The following PRSS57 variants were observed in gnomAD, a reference collection of about 807,000 sequenced individuals.
The protein encoded by PRSS57 is neutrophil serine protease 4.
Under a neutral mutation model 20.6 loss-of-function variants are expected in PRSS57, and 19 were observed. The ratio of observed to expected loss-of-function variants is 0.92; its 90% CI spans 0.64 to 1.35. The LOEUF (loss-of-function observed/expected upper bound fraction) is 1.35, where lower values mean the gene tolerates loss of function less well. Among genes scored for constraint, PRSS57 ranks in the 40% most tolerant of loss-of-function variants. The pLI is 0.00. For synonymous variants in PRSS57, 203 were observed against 176.6 expected (o/e 1.15, Z -1.19); for missense variants, 440 against 403.7 (o/e 1.09, Z -0.77).
chr19:686,343 G>A (rs1481117169), intron 4 of PRSS57, among the ~76,000 whole-genome samples: 5 of 151,682 alleles, frequency 3.3e-5, no homozygotes, highest in Middle Eastern at 3.2e-3. Flanking sequence ...AGGGCTCCCC[G>A]TATACTCACC....
Position 694,835 on chromosome 19 carries a change from G to C in PRSS57, c.212C>G (p.Ala71Gly), listed in dbSNP as rs1248920544. ...TCACCTGTGGCTGAAGCAGTGGGCG[G>C]CCGAGACCACCCAGCGGGCTCGCAG... ...FLLRARWVVSAAHCFSHRDLR... is the reference protein window; with the variant it reads ...FLLRARWVVSGAHCFSHRDLR... The change falls in exon 2 of 5, where the codon GCC becomes GGC. Residue 71 changes from alanine (A) to glycine (G), a missense_variant. Physicochemically the swap from Ala to Gly is moderately conservative, Grantham distance 60. Coordinates refer to ENST00000329267, the MANE Select transcript of PRSS57 (RefSeq NM_001308209.2). The C allele has an allele frequency of 6.2e-7, 1 of 1,607,300 alleles. No homozygotes were observed. Among genetic ancestry groups the C allele is most frequent in the South Asian group, 1.1e-5 (1 of 90,212 alleles).
At chr19:691,018 A>G (rs2031629339) in intron 3 of PRSS57, 1 of 381,806 alleles carries the variant, frequency 2.6e-6, no homozygotes, top group Non-Finnish European at 5.0e-6. Flanking sequence ...CCACTTTGCC[A>G]AGGCCGCCTC....
intron 4 of PRSS57, among the ~76,000 whole-genome samples, chr19:686,355 T>C (rs1006422805): frequency 1.3e-5 from 2 of 151,904 alleles, no homozygotes; most frequent in African/African-American, 4.8e-5. Context: ...ATACTCACCC[T>C]AAAATCCCTC....
In PRSS57 at chr19:691,875, C is replaced by T. The variant is rs144141760; in HGVS notation, c.361G>A (p.Asp121Asn). 20 of 1,334,298 alleles carry T rather than the reference C, an allele frequency of 1.5e-5. No individual in the cohort carries two copies. The highest frequency in any genetic ancestry group is 3.0e-5 in the African/African-American group (2 of 66,524). 82.7% of individuals were successfully genotyped at this position (1,334,298 alleles called of 1,614,324 possible). ...GGGCTCACCCGCAGCAGGCAGATGTCGTTGGCGTGGGTCATGGGGTGGTAG... is the reference window on the plus strand; with the variant it reads ...GGGCTCACCCGCAGCAGGCAGATGTTGTTGGCGTGGGTCATGGGGTGGTAG... The part of the protein sequence containing the change: ...PDYHPMTHAN[D>N]ICLLRLNGSA... Residue 121 changes from aspartate to asparagine, a missense_variant, in exon 3 of 5, where the codon GAC (aspartate) becomes AAC (asparagine). Transcript: ENST00000329267.
Position 686,959 on chromosome 19 carries a change from CG to C in PRSS57, c.607del (p.Arg203AlafsTer133). 6.2e-7 allele frequency: 1 copy of C among 1,614,052 alleles called. No individual in the cohort carries two copies. The highest frequency in any genetic ancestry group is 8.5e-7 in the Non-Finnish European group (1 of 1,179,988). The part of the protein sequence containing the change: ...GHLTLTMLCT[R>X]SGDSHRRGFC... ...GCCCCGTCTGTGGCTGTCCCCACTGCGGGTGCAGAGCATGGTAAGTGTCAGG... is the reference window on the plus strand; with the variant it reads ...GCCCCGTCTGTGGCTGTCCCCACTGCGGTGCAGAGCATGGTAAGTGTCAGG... On this transcript the variant is annotated frameshift_variant, in exon 4 of 5. Coordinates refer to ENST00000329267, the MANE Select transcript of PRSS57 (RefSeq NM_001308209.2). LOFTEE classifies it low-confidence loss of function (END_TRUNC).
chr19:691,918 AG>A lies in PRSS57; in HGVS notation c.317del (p.Ala106ValfsTer11). The A allele has an allele frequency of 7.5e-7, 1 of 1,337,622 alleles. No individual in the cohort carries two copies. Among genetic ancestry groups the A allele is most frequent in the Non-Finnish European group, 9.7e-7 (1 of 1,034,846 alleles). The allele number at this position is 1,337,622 out of a possible 1,614,324, so 82.9% of individuals were successfully genotyped here. The part of the protein sequence containing the change: ...EPTQQVFGID[A>X]LTTHPDYHPM... ...GGTGGTAGTCGGGGTGTGTGGTGAG[AG>A]CATCGATGCCAAACACCTGCTGGGT... On this transcript the variant is annotated frameshift_variant, in exon 3 of 5. Transcript: ENST00000329267. LOFTEE classifies it high-confidence loss of function.
At chr19:692,579 G>A (rs866531019) in intron 2 of PRSS57, among the ~76,000 whole-genome samples, 3 of 151,584 alleles carry the variant, frequency 2.0e-5, no homozygotes, top group Non-Finnish European at 2.9e-5. Context: ...ACCACTCCCA[G>A]CTAATTTTTG....
At position 692,007 on chromosome 19, in the gene PRSS57, A is replaced by G; in HGVS notation, c.234-5T>C. On this transcript the variant is annotated splice_polypyrimidine_tract_variant and splice_region_variant and intron_variant, in intron 2 of 4. Coordinates refer to ENST00000329267, the MANE Select transcript of PRSS57 (RefSeq NM_001308209.2). ...ACCAGGCCAGTGCGGAGGTCTCTGC[A>G]GGGAGGAGGTGGTGGGTGAGACGGG... The G allele has an allele frequency of 1.5e-6, 2 of 1,314,332 alleles. No individual in the cohort carries two copies. Among genetic ancestry groups the G allele is most frequent in the East Asian group, 5.7e-5 (2 of 35,390 alleles). 81.4% of individuals were successfully genotyped at this position (1,314,332 alleles called of 1,614,324 possible).
In PRSS57 at chr19:687,469, A is replaced by G. The variant is rs193187036; in HGVS notation, c.379-281T>C. On this transcript the variant is annotated intron_variant, in intron 3 of 4. Transcript: ENST00000329267. ...CGCCCAGGCTGGAGTGCAGTGGCACAATCTTGGCTCACTGCAACCTCCACC... is the reference window on the plus strand; with the variant it reads ...CGCCCAGGCTGGAGTGCAGTGGCACGATCTTGGCTCACTGCAACCTCCACC... 3.1e-3 allele frequency among the ~76,000 whole-genome samples: 468 copies of G among 152,044 alleles called. 3 individuals are homozygous for G. The highest frequency in any genetic ancestry group is 0.011 in the African/African-American group (437 of 41,490).
intron 3 of PRSS57, among the ~76,000 whole-genome samples, chr19:687,846 G>A (rs1033171148): frequency 1.2e-4 from 19 of 152,298 alleles, no homozygotes; most frequent in Non-Finnish European, 2.5e-4. Flanking sequence ...TGGCCAGGCA[G>A]GATGAATTTA....
At chr19:689,935 C>T (rs572601933) in intron 3 of PRSS57, among the ~76,000 whole-genome samples, 1 of 151,824 alleles carries the variant, frequency 6.6e-6, no homozygotes, top group Non-Finnish European at 1.5e-5. Flanking sequence ...TGCCTGTGAT[C>T]CCAGCTACTC....
chr19:693,331 G>T (rs950552897), intron 2 of PRSS57, among the ~76,000 whole-genome samples: 1 of 145,290 alleles, frequency 6.9e-6, no homozygotes, highest in Admixed American at 7.2e-5. Context: ...AGGCTCAAGC[G>T]ATCCTCCCAC....
rs936075700 is a variant in PRSS57 at position 691,987 on chromosome 19, G to A, written c.249C>T (p.Gly83=). The A allele has an allele frequency of 5.3e-6, 7 of 1,324,726 alleles. No individual in the cohort carries two copies. In the African/African-American group the frequency reaches 1.1e-4, roughly 20 times the overall value. The allele number at this position is 1,324,726 out of a possible 1,614,324, so 82.1% of individuals were successfully genotyped here. Residue 83 remains glycine, a synonymous_variant, in exon 3 of 5, where the codon GGC becomes GGT. Transcript: ENST00000329267. The stretch of plus-strand genomic sequence containing the variant: ...GGACGTGGGCGCCCAGCACCACCAG[G>A]CCAGTGCGGAGGTCTCTGCAGGGAG... ...HCFSHRDLRT[G]LVVLGAHVLS...
At chr19:695,029 C>A in intron 1 of PRSS57, 62 bp from the exon 2 acceptor site, 1 of 1,436,280 alleles carries the variant, frequency 7.0e-7, no homozygotes, top group Non-Finnish European at 9.2e-7. Flanking sequence ...GGGCTGGGGT[C>A]AGGGCAGGGG....
intron 3 of PRSS57, among the ~76,000 whole-genome samples, chr19:691,600 A>T (rs568139734): frequency 9.6e-4 from 145 of 151,356 alleles, no homozygotes; most frequent in South Asian, 2.1e-3. Flanking sequence ...CAGGTGGATC[A>T]TTTGAAGTCA....
At chr19:695,111 GC>G in intron 1 of PRSS57, 144 bp from the exon 2 acceptor site, 1 of 798,120 alleles carries the variant, frequency 1.3e-6, no homozygotes, top group Non-Finnish European at 1.8e-6. Context: ...TGGAGACAGA[GC>G]CCAGACAAGC....
intron 4 of PRSS57, among the ~76,000 whole-genome samples, chr19:686,597 G>T (rs367642958): frequency 3.9e-5 from 6 of 152,128 alleles, no homozygotes; most frequent in African/African-American, 1.4e-4. Flanking sequence ...TCCAGGGCCA[G>T]TGTCTCCCTT....
chr19:691,927 G>A lies in PRSS57; in HGVS notation c.309C>T (p.Gly103=). The A allele has an allele frequency of 7.5e-7, 1 of 1,336,204 alleles. No individual in the cohort carries two copies. Among genetic ancestry groups the A allele is most frequent in the Non-Finnish European group, 9.7e-7 (1 of 1,033,886 alleles). The allele number at this position is 1,336,204 out of a possible 1,614,324, so 82.8% of individuals were successfully genotyped here. A position where few individuals can be genotyped will look rare whatever the true frequency, so the allele number is the denominator to read the frequency against. Reference sequence around the variant, plus strand: ...CGGGGTGTGTGGTGAGAGCATCGATGCCAAACACCTGCTGGGTGGGCTCCG... The same window carrying A: ...CGGGGTGTGTGGTGAGAGCATCGATACCAAACACCTGCTGGGTGGGCTCCG... ...STAEPTQQVF[G]IDALTTHPDY... The change falls in exon 3 of 5, where the codon GGC becomes GGT. Residue 103 remains glycine, a synonymous_variant. Transcript: ENST00000329267.
intron 3 of PRSS57, among the ~76,000 whole-genome samples, chr19:689,747 C>T (rs1353906111): frequency 6.6e-6 from 1 of 151,994 alleles, no homozygotes. Flanking sequence ...GGTGAAACCC[C>T]GTCTCTACTA....
Sources: gnomAD v4.1 joint callset for allele counts (sites outside exome capture counted in the v4.1 genomes callset) on GRCh38, gnomAD v4.1.1 for gene constraint, MANE v1.5 for transcripts, NCBI Gene and HGNC (gene_info 2026-07-23, HGNC 2026-07-21) for gene names.